The following NXPE4 variants were observed in gnomAD, a reference collection of about 807,000 sequenced individuals.
NXPE4 encodes the protein NXPE family member 4.
In NXPE4, 42 loss-of-function variants were observed where a neutral mutation model predicts 33.3. The observed-to-expected ratio is 1.26, with a 90% CI of 0.98 to 1.63. The LOEUF (loss-of-function observed/expected upper bound fraction) is 1.63, where lower values mean the gene tolerates loss of function less well. Among genes scored for constraint, NXPE4 ranks in the 40% most tolerant of loss-of-function variants. The pLI is 0.00. For missense variants in NXPE4, 709 were observed against 647.6 expected, an observed-to-expected ratio of 1.09 and a Z score of -1.03; for synonymous variants, 253 against 234.9, an observed-to-expected ratio of 1.08 and a Z score of -0.71.
the NXPE4 span, among the ~76,000 whole-genome samples, chr11:114,627,832 A>G: frequency 6.6e-6 from 1 of 151,358 alleles, no homozygotes; most frequent in Non-Finnish European, 1.5e-5. Context: ...AAGATCTACC[A>G]AGCAAATGGA....
At chr11:114,618,579 C>T in the NXPE4 span, among the ~76,000 whole-genome samples, 5 of 152,052 alleles carry the variant, frequency 3.3e-5, no homozygotes, top group East Asian at 1.9e-4. Context: ...AGTATTGCCT[C>T]GTGGGTAACA....
the NXPE4 span, among the ~76,000 whole-genome samples, chr11:114,602,515 T>G: frequency 0.01 from 1,402 of 137,766 alleles, 20 homozygotes; most frequent in African/African-American, 0.034. Flanking sequence ...AAATTATAGA[T>G]TATACCACAT....
chr11:114,662,229 G>A, the NXPE4 span, among the ~76,000 whole-genome samples: 67 of 151,592 alleles, frequency 4.4e-4, no homozygotes, highest in African/African-American at 1.5e-3. Flanking sequence ...TGTGCACTGG[G>A]GAGAGAGAGA....
intron 2 of NXPE4, among the ~76,000 whole-genome samples, chr11:114,593,798 T>C (rs150331026): frequency 3.3e-4 from 50 of 152,080 alleles, no homozygotes; most frequent in African/African-American, 1.2e-3. Flanking sequence ...GACAAATACA[T>C]AAAGAAAATA....
the NXPE4 span, among the ~76,000 whole-genome samples, chr11:114,615,884 T>C: frequency 6.6e-6 from 1 of 151,652 alleles, no homozygotes; most frequent in Non-Finnish European, 1.5e-5. Context: ...TGGTCAATAA[T>C]AAGTGTTGCC....
At chr11:114,638,994 A>T in the NXPE4 span, among the ~76,000 whole-genome samples, 6 of 152,016 alleles carry the variant, frequency 3.9e-5, no homozygotes, top group Non-Finnish European at 1.5e-5. Context: ...GCTCTCTTCA[A>T]AGCTGTCAGA....
upstream of NXPE4, among the ~76,000 whole-genome samples, chr11:114,595,984 T>C (rs541393075): frequency 6.6e-6 from 1 of 152,280 alleles, no homozygotes; most frequent in South Asian, 2.1e-4. Flanking sequence ...ATAATTGTAT[T>C]TAGTTAATAC....
At chr11:114,633,448 T>C in the NXPE4 span, among the ~76,000 whole-genome samples, 3 of 147,518 alleles carry the variant, frequency 2.0e-5, no homozygotes, top group Admixed American at 6.9e-5. Flanking sequence ...ATACAATGTA[T>C]ATTTTTTCTT....
the NXPE4 span, among the ~76,000 whole-genome samples, chr11:114,632,471 T>TAC: frequency 7.8e-6 from 1 of 128,608 alleles, no homozygotes; most frequent in African/African-American, 2.8e-5. Flanking sequence ...ACATTATATA[T>TAC]ACTATATAAT....
the NXPE4 span, among the ~76,000 whole-genome samples, chr11:114,654,119 C>G: frequency 3.3e-5 from 5 of 152,020 alleles, no homozygotes; most frequent in Admixed American, 6.6e-5. Flanking sequence ...AAAGTAGACC[C>G]CACAGTGGCT....
chr11:114,605,879 C>T, the NXPE4 span, among the ~76,000 whole-genome samples: 2 of 151,628 alleles, frequency 1.3e-5, no homozygotes, highest in East Asian at 3.9e-4. Context: ...ATAAGTGTTG[C>T]CTCGTGCATA....
At chr11:114,620,275 C>T in the NXPE4 span, among the ~76,000 whole-genome samples, 27 of 151,648 alleles carry the variant, frequency 1.8e-4, no homozygotes, top group East Asian at 5.9e-4. Context: ...TACGGTTACC[C>T]GGTGGATAAT....
At chr11:114,579,640 A>T (rs1400463295) in intron 5 of NXPE4, among the ~76,000 whole-genome samples, 4 of 152,212 alleles carry the variant, frequency 2.6e-5, no homozygotes, top group African/African-American at 9.6e-5. Flanking sequence ...CACTGTATGC[A>T]TTACCTCATT....
chr11:114,582,723 T>C lies in NXPE4; in HGVS notation c.395A>G (p.Gln132Arg). The C allele has an allele frequency of 3.1e-6, 5 of 1,614,132 alleles. No individual in the cohort carries two copies. The highest frequency in any genetic ancestry group is 1.1e-5 in the South Asian group (1 of 91,066). Residue 132 changes from glutamine (Q) to arginine (R), a missense_variant, in exon 3 of 6, where the codon CAA becomes CGA. Gln to Arg is a conservative substitution (Grantham distance 43). Coordinates refer to ENST00000375478, the MANE Select transcript of NXPE4 (RefSeq NM_001077639.2). The stretch of plus-strand genomic sequence containing the variant: ...GGCCCTCAGGAAATCCCCGCCATAT[T>C]GCTTCCTGCGTCCCAAGTGGTCCCT... The part of the protein sequence containing the change: ...EVRDHLGRRK[Q>R]YGGDFLRARM...
chr11:114,664,761 C>T, the NXPE4 span, among the ~76,000 whole-genome samples: 8 of 152,132 alleles, frequency 5.3e-5, no homozygotes, highest in Non-Finnish European at 1.2e-4. Context: ...GTTCCCCTAG[C>T]AATATGCTGT....
the NXPE4 span, among the ~76,000 whole-genome samples, chr11:114,638,753 A>C: frequency 6.6e-6 from 1 of 151,956 alleles, no homozygotes; most frequent in African/African-American, 2.4e-5. Context: ...TGCCTGGGTA[A>C]CAGCAGCAGT....
chr11:114,571,493 C>G lies in NXPE4; in HGVS notation c.1100-20G>C, dbSNP rs978259425. On this transcript the variant is annotated intron_variant, in intron 5 of 5. Coordinates refer to ENST00000375478, the MANE Select transcript of NXPE4 (RefSeq NM_001077639.2). Reference sequence around the variant, plus strand: ...TCAGTGCTGATAACAAATAGGCAATCCCAAAATAAAAGGAGGATATAGTTA... The same window carrying G: ...TCAGTGCTGATAACAAATAGGCAATGCCAAAATAAAAGGAGGATATAGTTA... 1 of 1,561,458 alleles carries G rather than the reference C, an allele frequency of 6.4e-7. No individual in the cohort carries two copies. The highest frequency in any genetic ancestry group is 1.4e-5 in the African/African-American group (1 of 73,166).
the NXPE4 span, among the ~76,000 whole-genome samples, chr11:114,635,008 T>G: frequency 0.2 from 29,676 of 151,864 alleles, 3,569 homozygotes; most frequent in African/African-American, 0.33. Context: ...AAGAAAGTCA[T>G]TGGTAGCTTG....
the NXPE4 span, among the ~76,000 whole-genome samples, chr11:114,623,001 GATA>G: frequency 1.3e-5 from 2 of 152,072 alleles, no homozygotes; most frequent in East Asian, 1.9e-4. Flanking sequence ...TTACCTGGTG[GATA>G]ATAAGTGTTG....
Sources: allele counts gnomAD v4.1 joint callset (sites outside exome capture counted in the v4.1 genomes callset), GRCh38; gene constraint gnomAD v4.1.1; transcripts MANE v1.5; gene names NCBI Gene and HGNC (gene_info 2026-07-23, HGNC 2026-07-21).